The following FOXN3 variants were observed in gnomAD, a reference collection of about 807,000 sequenced individuals.
FOXN3 encodes the protein forkhead box N3, also known as forkhead box protein N3.
A neutral mutation model predicts 38.4 loss-of-function variants in FOXN3; 7 were observed. The ratio of observed to expected loss-of-function variants is 0.18; its 90% CI spans 0.10 to 0.34. The LOEUF (loss-of-function observed/expected upper bound fraction) is 0.34. Ranked by LOEUF, FOXN3 falls within the 10% of genes least tolerant of loss-of-function variation. The pLI, the probability that FOXN3 is intolerant of heterozygous loss-of-function variation, is 1.00. For missense variants in FOXN3, 456 were observed against 613.4 expected (o/e 0.74, Z 2.71); for synonymous variants, 230 against 242.2 (o/e 0.95, Z 0.47).
chr14:89,437,992 T>C (rs915925489), intron 1 of FOXN3, among the ~76,000 whole-genome samples: 3 of 152,206 alleles, frequency 2.0e-5, no homozygotes, highest in Non-Finnish European at 2.9e-5. Context: ...CAAGGTGAAG[T>C]TGGTTGATCA....
chr14:89,518,175 G>A (rs938053468), intron 1 of FOXN3, among the ~76,000 whole-genome samples: 2 of 152,128 alleles, frequency 1.3e-5, no homozygotes, highest in Non-Finnish European at 2.9e-5. Flanking sequence ...GCATGTGTAG[G>A]CCCCTCTCCC....
At chr14:89,451,859 G>A (rs141449788) in intron 1 of FOXN3, among the ~76,000 whole-genome samples, 2 of 152,164 alleles carry the variant, frequency 1.3e-5, no homozygotes, top group East Asian at 1.9e-4. Context: ...ACTGGTAACG[G>A]GGGGCTGCAG....
chr14:89,246,418 A>AC (rs1407322429), intron 4 of FOXN3, among the ~76,000 whole-genome samples: 1 of 152,100 alleles, frequency 6.6e-6, no homozygotes, highest in African/African-American at 2.4e-5. Flanking sequence ...CATGGTTTTC[A>AC]CAGGCTCCGA....
intron 1 of FOXN3, among the ~76,000 whole-genome samples, chr14:89,488,867 G>C (rs935262366): frequency 1.3e-5 from 2 of 152,032 alleles, no homozygotes; most frequent in African/African-American, 2.4e-5. Context: ...TCTGGTTTTA[G>C]CTTTAAAAAA....
intron 3 of FOXN3, among the ~76,000 whole-genome samples, chr14:89,309,337 G>A (rs1887465575): frequency 6.6e-6 from 1 of 152,170 alleles, no homozygotes; most frequent in South Asian, 2.1e-4. Flanking sequence ...GGGGTTAGGG[G>A]AGGTGTGTTC....
intron 4 of FOXN3, among the ~76,000 whole-genome samples, chr14:89,226,692 T>C (rs1884650752): frequency 6.6e-6 from 1 of 152,204 alleles, no homozygotes; most frequent in Admixed American, 6.5e-5. Flanking sequence ...CCTGGTCTTA[T>C]TTGGAATCAG....
intron 5 of FOXN3, among the ~76,000 whole-genome samples, chr14:89,177,217 G>A (rs1047738518): frequency 1.3e-5 from 2 of 151,924 alleles, no homozygotes; most frequent in Admixed American, 6.6e-5. Context: ...CACCATGTTG[G>A]CCAGGCTGGT....
chr14:89,375,473 T>C (rs1890452816), intron 2 of FOXN3, among the ~76,000 whole-genome samples: 1 of 152,224 alleles, frequency 6.6e-6, no homozygotes, highest in South Asian at 2.1e-4. Context: ...ATCCATATAC[T>C]ACAGATGAAA....
intron 1 of FOXN3, among the ~76,000 whole-genome samples, chr14:89,513,825 G>A (rs967385585): frequency 5.9e-5 from 9 of 151,808 alleles, no homozygotes; most frequent in African/African-American, 1.7e-4. Context: ...TCAAACTCCC[G>A]GAGTTTGTTT....
intron 4 of FOXN3, among the ~76,000 whole-genome samples, chr14:89,204,985 T>C (rs764465458): frequency 2.1e-5 from 3 of 142,032 alleles, no homozygotes; most frequent in South Asian, 2.1e-4. Flanking sequence ...AAAAGAATTA[T>C]AGTGCAAGAG....
At chr14:89,312,300 A>AAAAAAAAAAAAT in intron 3 of FOXN3, among the ~76,000 whole-genome samples, 1 of 150,424 alleles carries the variant, frequency 6.6e-6, no homozygotes, top group Admixed American at 6.6e-5. Flanking sequence ...AAAAAAAAAA[A>AAAAAAAAAAAAT]AGAAGCCAAG....
chr14:89,210,797 T>C (rs1884066701), intron 4 of FOXN3, among the ~76,000 whole-genome samples: 1 of 152,204 alleles, frequency 6.6e-6, no homozygotes, highest in South Asian at 2.1e-4. Context: ...CTTGGGTGGT[T>C]CATCAGACAG....
intron 4 of FOXN3, among the ~76,000 whole-genome samples, chr14:89,269,080 T>A (rs1467134971): frequency 2.0e-5 from 3 of 152,196 alleles, no homozygotes; most frequent in African/African-American, 7.2e-5. Context: ...CCTCAAAATG[T>A]GGGAAATGAA....
intron 3 of FOXN3, among the ~76,000 whole-genome samples, chr14:89,338,010 T>C (rs527795628): frequency 6.6e-5 from 10 of 152,304 alleles, no homozygotes; most frequent in African/African-American, 2.4e-4. Flanking sequence ...CAGCCTGGAA[T>C]TTATAACCTT....
At chr14:89,542,827 G>A (rs1355133972) in intron 1 of FOXN3, among the ~76,000 whole-genome samples, 1 of 152,160 alleles carries the variant, frequency 6.6e-6, no homozygotes, top group Non-Finnish European at 1.5e-5. Context: ...AAACACATTT[G>A]GCTGATACAG....
At chr14:89,216,245 T>G (rs1884276670) in intron 4 of FOXN3, among the ~76,000 whole-genome samples, 1 of 152,146 alleles carries the variant, frequency 6.6e-6, no homozygotes, top group Admixed American at 6.5e-5. Context: ...AAAGGCTTTA[T>G]GCTCTAATCG....
intron 1 of FOXN3, among the ~76,000 whole-genome samples, chr14:89,583,540 TTC>T (rs920333788): frequency 4.0e-5 from 6 of 151,872 alleles, no homozygotes; most frequent in Non-Finnish European, 2.9e-5. Context: ...AATTTGTGTG[TTC>T]TCTCTCTCTC....
At chr14:89,393,815 G>C (rs146512421) in intron 2 of FOXN3, among the ~76,000 whole-genome samples, 1 of 152,240 alleles carries the variant, frequency 6.6e-6, no homozygotes, top group Non-Finnish European at 1.5e-5. Context: ...CAAAAGTAGA[G>C]GAGAAAGAGC....
At position 89,286,040 on chromosome 14, in the gene FOXN3, T is replaced by G. The variant is rs116689407; in HGVS notation, c.681-5026A>C. On this transcript the variant is annotated intron_variant, in intron 3 of 5. Coordinates refer to ENST00000557258, the MANE Select transcript of FOXN3 (RefSeq NM_005197.4). ...CACCACTATGCCTGGCTAAGTTTTT[T>G]TTGTTGTTGTTTGTAGGACAGGGTC... is the stretch of plus-strand genomic sequence containing the variant. Among the ~76,000 whole-genome samples the G allele has an allele frequency of 4.7e-3, 710 of 152,004 alleles. 4 individuals are homozygous for G. The highest frequency in any genetic ancestry group is 0.017 in the African/African-American group (694 of 41,440).
Sources: gnomAD v4.1 joint callset for allele counts (sites outside exome capture counted in the v4.1 genomes callset) on GRCh38, gnomAD v4.1.1 for gene constraint, MANE v1.5 for transcripts, NCBI Gene and HGNC (gene_info 2026-07-23, HGNC 2026-07-21) for gene names.